Variants in SEMA3A observed in about 807,000 individuals in gnomAD.
The protein encoded by SEMA3A is semaphorin 3A.
Under a neutral mutation model 97.9 loss-of-function variants are expected in SEMA3A, and 29 were observed. That is an observed-to-expected ratio of 0.30 (90% CI 0.22 to 0.40). SEMA3A has a LOEUF of 0.40. SEMA3A is among the 10% of genes least tolerant of loss of function. SEMA3A has a pLI of 1.00. For missense variants in SEMA3A, 763 were observed against 951.3 expected (o/e 0.80, Z 2.60); for synonymous variants, 321 against 323.7 (o/e 0.99, Z 0.09).
At chr7:83,995,758 A>G (rs1042441493) in intron 12 of SEMA3A, among the ~76,000 whole-genome samples, 2 of 152,134 alleles carry the variant, frequency 1.3e-5, no homozygotes, top group Non-Finnish European at 2.9e-5. Flanking sequence ...CCAATTTACA[A>G]TTTTTTTCAG....
Position 84,091,118 on chromosome 7 carries a change from GAA to G in SEMA3A, c.453+19350_453+19351del, listed in dbSNP as rs200764201. On this transcript the variant is annotated intron_variant, in intron 4 of 16. Coordinates refer to ENST00000265362, the MANE Select transcript of SEMA3A (RefSeq NM_006080.3). ...AAAGAAAGAGAAAGAAAGAAAGAAA[GAA>G]AAAGAAAGAAAGAAAGAAGGAAGGA... is the stretch of plus-strand genomic sequence containing the variant. Among the ~76,000 whole-genome samples the G allele has an allele frequency of 9.7e-3, 701 of 72,372 alleles. 31 individuals carry two copies. Among genetic ancestry groups the G allele is most frequent in the Middle Eastern group, 0.026 (3 of 114 alleles). 47.5% of individuals were successfully genotyped at this position (72,372 alleles called of 152,430 possible). A position where few individuals can be genotyped will look rare whatever the true frequency, so the allele number is the denominator to read the frequency against.
chr7:84,019,273 C>A (rs1350689144), intron 6 of SEMA3A, among the ~76,000 whole-genome samples: 1 of 151,842 alleles, frequency 6.6e-6, no homozygotes, highest in East Asian at 1.9e-4. Context: ...CTTTAGAGAG[C>A]CTTGTGAAGA....
chr7:84,411,998 T>C lies in SEMA3A; in HGVS notation c.-245-40098A>G, dbSNP rs974249411. On this transcript the variant is annotated intron_variant, in intron 1 of 3. Transcript: ENST00000424555. Reference sequence around the variant, plus strand: ...TTTTAACATATGTAATTTCTACAAATTCTACAACACTTCTTGCTTTCTTTC... The same window carrying C: ...TTTTAACATATGTAATTTCTACAAACTCTACAACACTTCTTGCTTTCTTTC... Among the ~76,000 whole-genome samples, 4 of 152,194 alleles carry C rather than the reference T, an allele frequency of 2.6e-5. No individual in the cohort carries two copies. The South Asian group carries it at 6.2e-4, about 24-fold the overall frequency.
At chr7:84,210,237 A>G (rs562619470) in intron 3 of SEMA3A, among the ~76,000 whole-genome samples, 6 of 152,220 alleles carry the variant, frequency 3.9e-5, no homozygotes, top group African/African-American at 1.2e-4. Flanking sequence ...GGAAAGAGTT[A>G]CATAAAAATA....
At chr7:84,019,619 C>T (rs185586810) in intron 6 of SEMA3A, among the ~76,000 whole-genome samples, 2 of 152,178 alleles carry the variant, frequency 1.3e-5, no homozygotes, top group East Asian at 3.9e-4. Flanking sequence ...CTCATGATTC[C>T]TTGCATTCAT....
intron 1 of SEMA3A, among the ~76,000 whole-genome samples, chr7:84,474,281 G>A (rs920754797): frequency 6.6e-6 from 1 of 152,164 alleles, no homozygotes; most frequent in Non-Finnish European, 1.5e-5. Flanking sequence ...CCTAGGACAA[G>A]CCTTCTTGTG....
chr7:84,292,419 T>A (rs1800772054), intron 3 of SEMA3A, among the ~76,000 whole-genome samples: 1 of 151,056 alleles, frequency 6.6e-6, no homozygotes, highest in Non-Finnish European at 1.5e-5. Flanking sequence ...AATTGAGTGA[T>A]ATTGAATACT....
At chr7:83,992,013 A>C (rs1393343561) in intron 12 of SEMA3A, among the ~76,000 whole-genome samples, 3 of 140,558 alleles carry the variant, frequency 2.1e-5, no homozygotes, top group Non-Finnish European at 4.6e-5. Context: ...TTATTGGTCT[A>C]TTCAGAGATT....
At chr7:84,447,373 G>A (rs1805443624) in intron 1 of SEMA3A, among the ~76,000 whole-genome samples, 1 of 152,168 alleles carries the variant, frequency 6.6e-6, no homozygotes, top group South Asian at 2.1e-4. Context: ...AGCCAGGGAT[G>A]GCCTGAAGTC....
intron 3 of SEMA3A, among the ~76,000 whole-genome samples, chr7:84,230,363 C>A (rs1410943024): frequency 6.6e-6 from 1 of 151,932 alleles, no homozygotes; most frequent in Non-Finnish European, 1.5e-5. Flanking sequence ...TGTCTGTTGC[C>A]TATAACTCTC....
At chr7:84,456,094 G>C (rs1805676841) in intron 1 of SEMA3A, among the ~76,000 whole-genome samples, 1 of 151,840 alleles carries the variant, frequency 6.6e-6, no homozygotes, top group Non-Finnish European at 1.5e-5. Context: ...ATGACTAAAA[G>C]TAAGGATGTC....
intron 1 of SEMA3A, among the ~76,000 whole-genome samples, chr7:84,481,846 A>C (rs2116434776): frequency 6.6e-6 from 1 of 152,034 alleles, no homozygotes; most frequent in African/African-American, 2.4e-5. Flanking sequence ...TAACTAAAAT[A>C]ATCAATGCCC....
chr7:84,312,921 T>C (rs13238014), intron 2 of SEMA3A, among the ~76,000 whole-genome samples: 5,324 of 30,738 alleles, frequency 0.17, 456 homozygotes, highest in Non-Finnish European at 0.17. Context: ...TATATATATA[T>C]ACACACACAC....
Position 84,194,500 on chromosome 7 carries a change from C to A in SEMA3A, c.87G>T (p.Val29=). ...RANYQNGKNN[V]PRLKLSYKEM... is the part of the protein sequence containing the mutation. The stretch of plus-strand genomic sequence containing the variant: ...CTTTGTAGGATAATTTCAGCCTTGG[C>A]ACATTGTTCTTCCCATTCTGATAGT... Residue 29 remains valine (V), a synonymous_variant, in exon 1 of 17, where the codon GTG becomes GTT. Transcript: ENST00000265362. The A allele has an allele frequency of 3.1e-6, 5 of 1,610,458 alleles. No individual in the cohort carries two copies. The highest frequency in any genetic ancestry group is 4.2e-6 in the Non-Finnish European group (5 of 1,176,816).
At chr7:84,061,306 CAT>C (rs986107777) in intron 4 of SEMA3A, among the ~76,000 whole-genome samples, 9 of 152,166 alleles carry the variant, frequency 5.9e-5, no homozygotes, top group Admixed American at 3.3e-4. Context: ...AAAATATACA[CAT>C]GTCTCAAGGT....
At chr7:84,278,708 C>T (rs1607671) in intron 3 of SEMA3A, among the ~76,000 whole-genome samples, 11,105 of 151,908 alleles carry the variant, frequency 0.073, 1,386 homozygotes, top group African/African-American at 0.25. Context: ...GTTGAGGAGG[C>T]GCCTCACTTT....
chr7:84,063,057 C>G (rs1429301715), intron 4 of SEMA3A, among the ~76,000 whole-genome samples: 8 of 151,854 alleles, frequency 5.3e-5, no homozygotes, highest in Non-Finnish European at 1.0e-4. Flanking sequence ...TCTCCCAGCA[C>G]GCCGCTGGAG....
intron 1 of SEMA3A, among the ~76,000 whole-genome samples, chr7:84,190,329 A>T (rs1012600115): frequency 7.2e-5 from 11 of 151,830 alleles, no homozygotes; most frequent in African/African-American, 2.6e-4. Flanking sequence ...TGTTGAATAG[A>T]TGAATAAAAA....
At chr7:84,368,020 G>A (rs1269788913) in intron 2 of SEMA3A, among the ~76,000 whole-genome samples, 1 of 151,148 alleles carries the variant, frequency 6.6e-6, no homozygotes, top group Non-Finnish European at 1.5e-5. Flanking sequence ...TAGAAGTAAT[G>A]CTTTCAAGGA....
Sources: gnomAD v4.1 joint callset for allele counts (sites outside exome capture counted in the v4.1 genomes callset) on GRCh38, gnomAD v4.1.1 for gene constraint, MANE v1.5 for transcripts, NCBI Gene and HGNC (gene_info 2026-07-23, HGNC 2026-07-21) for gene names.